The following RORA variants were observed in gnomAD, a reference collection of about 807,000 sequenced individuals.
RORA encodes RAR related orphan receptor A.
Under a neutral mutation model 69.5 loss-of-function variants are expected in RORA, and 7 were observed. That is an observed-to-expected ratio of 0.10 (90% confidence interval 0.06 to 0.19). The LOEUF is 0.19. RORA is among the 10% of genes least tolerant of loss of function. The probability of loss-of-function intolerance (pLI) is 1.00; values close to 1 mark genes in which losing one functional copy is unlikely to be tolerated. For synonymous variants in RORA, 261 were observed against 240.8 expected (o/e 1.08, Z -0.78); for missense variants, 457 against 663.0 (o/e 0.69, Z 3.41).
intron 1 of RORA, among the ~76,000 whole-genome samples, chr15:60,774,208 G>A (rs1038210735): frequency 1.3e-5 from 2 of 152,222 alleles, no homozygotes; most frequent in African/African-American, 4.8e-5. Flanking sequence ...ACCTGATCAT[G>A]TTATCGCTCT....
At chr15:60,773,601 G>A (rs1378019982) in intron 1 of RORA, among the ~76,000 whole-genome samples, 1 of 152,180 alleles carries the variant, frequency 6.6e-6, no homozygotes, top group Non-Finnish European at 1.5e-5. Context: ...CTACAAAAGA[G>A]AGAATTGAAA....
intron 1 of RORA, among the ~76,000 whole-genome samples, chr15:61,187,289 T>A (rs536211320): frequency 6.6e-6 from 1 of 152,360 alleles, no homozygotes; most frequent in Non-Finnish European, 1.5e-5. Context: ...TTCCCCAACA[T>A]GTACAGGCGG....
At chr15:60,525,092 A>G (rs2141412490) in intron 3 of RORA, among the ~76,000 whole-genome samples, 2 of 146,518 alleles carry the variant, frequency 1.4e-5, no homozygotes, top group Middle Eastern at 6.8e-3. Flanking sequence ...AAACAACAAA[A>G]CAAACACGCA....
At chr15:60,549,382 ATTAAT>A (rs2067165075) in intron 2 of RORA, among the ~76,000 whole-genome samples, 1 of 152,198 alleles carries the variant, frequency 6.6e-6, no homozygotes, top group Admixed American at 6.5e-5. Context: ...TTGCCCATGA[ATTAAT>A]TTAAGAAACA....
chr15:61,018,187 AT>A (rs1015830761), intron 1 of RORA, among the ~76,000 whole-genome samples: 37 of 152,318 alleles, frequency 2.4e-4, no homozygotes, highest in African/African-American at 8.9e-4. Flanking sequence ...ATTGTCCATA[AT>A]CCAGGCTCCT....
Position 60,749,094 on chromosome 15 carries a change from CAG to C in RORA, c.167-70410_167-70409del, listed in dbSNP as rs2071687485. Among the ~76,000 whole-genome samples the C allele has an allele frequency of 2.6e-5, 4 of 152,306 alleles. No homozygotes were observed. The South Asian group carries it at 6.2e-4, about 24-fold the overall frequency. ...GAAGTCGTGGGGTGTAGTTTATGAGCAGTGGTCTTTCCCCCTATTCTCTCTTG... is the reference window on the plus strand; with the variant it reads ...GAAGTCGTGGGGTGTAGTTTATGAGCTGGTCTTTCCCCCTATTCTCTCTTG... On this transcript the variant is annotated intron_variant, in intron 1 of 10. Coordinates refer to ENST00000335670, the MANE Select transcript of RORA (RefSeq NM_134261.3).
At chr15:61,221,742 C>G (rs2080098775) in intron 1 of RORA, among the ~76,000 whole-genome samples, 1 of 152,180 alleles carries the variant, frequency 6.6e-6, no homozygotes, top group African/African-American at 2.4e-5. Flanking sequence ...TGCACTGCCT[C>G]TTTCAGTGGC....
At chr15:60,517,463 T>TTTTTA (rs58528279) in intron 3 of RORA, among the ~76,000 whole-genome samples, 68 of 151,896 alleles carry the variant, frequency 4.5e-4, no homozygotes, top group African/African-American at 1.5e-3. Flanking sequence ...AAAGCTATGT[T>TTTTTA]TTTTATTTTA....
chr15:60,903,418 C>A (rs1891444998), intron 1 of RORA, among the ~76,000 whole-genome samples: 1 of 152,182 alleles, frequency 6.6e-6, no homozygotes, highest in African/African-American at 2.4e-5. Context: ...ATTTGGCAAG[C>A]AGCTTTATAT....
chr15:60,781,027 A>G (rs1225423164), intron 1 of RORA, among the ~76,000 whole-genome samples: 2 of 152,232 alleles, frequency 1.3e-5, no homozygotes, highest in Non-Finnish European at 2.9e-5. Context: ...ACTAAGACTT[A>G]GAGGACTTCA....
chr15:61,061,000 C>CA (rs1263629882), intron 1 of RORA, among the ~76,000 whole-genome samples: 3 of 152,210 alleles, frequency 2.0e-5, no homozygotes, highest in African/African-American at 7.2e-5. Context: ...CAGGTATCCT[C>CA]AAAGTCCTCA....
intron 2 of RORA, among the ~76,000 whole-genome samples, chr15:60,635,759 G>T (rs1010355161): frequency 1.3e-5 from 2 of 152,104 alleles, no homozygotes; most frequent in African/African-American, 4.8e-5. Flanking sequence ...GCTGAAGATC[G>T]TTAGGGTAAA....
intron 1 of RORA, among the ~76,000 whole-genome samples, chr15:61,189,626 G>T (rs1384908608): frequency 6.6e-6 from 1 of 152,060 alleles, no homozygotes; most frequent in Non-Finnish European, 1.5e-5. Context: ...GGGAGGCCGA[G>T]GTAGGCAGAT....
intron 1 of RORA, among the ~76,000 whole-genome samples, chr15:61,002,603 A>C (rs1349075299): frequency 1.3e-5 from 2 of 152,206 alleles, no homozygotes; most frequent in Non-Finnish European, 2.9e-5. Flanking sequence ...CCTACCTTTA[A>C]TTTAGAAACT....
chr15:61,144,791 T>A (rs11854222), intron 1 of RORA, among the ~76,000 whole-genome samples: 1 of 151,944 alleles, frequency 6.6e-6, no homozygotes, highest in African/African-American at 2.4e-5. Flanking sequence ...AGGAATTGTT[T>A]CTATAGACAG....
intron 1 of RORA, among the ~76,000 whole-genome samples, chr15:60,748,483 G>A (rs528996876): frequency 8.5e-5 from 13 of 152,230 alleles, no homozygotes; most frequent in African/African-American, 2.9e-4. Flanking sequence ...ACACTTCTTT[G>A]ACTTATATGT....
At chr15:60,944,479 G>T (rs1232371651) in intron 1 of RORA, among the ~76,000 whole-genome samples, 1 of 152,134 alleles carries the variant, frequency 6.6e-6, no homozygotes, top group Non-Finnish European at 1.5e-5. Context: ...CACTTTGGGA[G>T]GCTAAGGCAA....
At chr15:61,086,311 C>G (rs1406068836) in intron 1 of RORA, among the ~76,000 whole-genome samples, 1 of 152,226 alleles carries the variant, frequency 6.6e-6, no homozygotes, top group Admixed American at 6.5e-5. Context: ...AGAAGGAATT[C>G]TGGTTCTAAG....
chr15:61,023,397 G>A (rs1895643818), intron 1 of RORA, among the ~76,000 whole-genome samples: 2 of 152,118 alleles, frequency 1.3e-5, no homozygotes, highest in South Asian at 4.1e-4. Flanking sequence ...TGCCAAAGCA[G>A]AAAGTCCTGA....
Sources: allele counts gnomAD v4.1 joint callset (sites outside exome capture counted in the v4.1 genomes callset), GRCh38; gene constraint gnomAD v4.1.1; transcripts MANE v1.5; gene names NCBI Gene and HGNC (gene_info 2026-07-23, HGNC 2026-07-21).